RASGRP3: variants seen among roughly 807,000 people sequenced by gnomAD.
The protein encoded by RASGRP3 is ras guanyl-releasing protein 3.
Under a neutral mutation model 82.7 loss-of-function variants are expected in RASGRP3, and 54 were observed. The ratio of observed to expected loss-of-function variants is 0.65; its 90% CI spans 0.52 to 0.82. RASGRP3 has a LOEUF of 0.82. RASGRP3 is among the 40% of genes least tolerant of loss of function. The pLI is 0.00. For missense variants in RASGRP3, 861 were observed against 828.9 expected (o/e 1.04, Z -0.48); for synonymous variants, 309 against 300.5 (o/e 1.03, Z -0.29).
chr2:33,520,036 A>G lies in RASGRP3; in HGVS notation c.236+22A>G, dbSNP rs1253958312. 1.9e-6 allele frequency: 3 copies of G among 1,550,474 alleles called. No individual in the cohort carries two copies. In the East Asian group the frequency reaches 7.0e-5, roughly 36 times the overall value. ...TGAGGTAAATATATTTACAAATTTAATTTCTTGTAGTTTCTGGTTCTGGAA... is the reference window on the plus strand; with the variant it reads ...TGAGGTAAATATATTTACAAATTTAGTTTCTTGTAGTTTCTGGTTCTGGAA... On this transcript the variant is annotated intron_variant, in intron 5 of 17. Transcript: ENST00000403687.
intron 2 of RASGRP3, among the ~76,000 whole-genome samples, chr2:33,466,848 A>G (rs982662202): frequency 1.3e-5 from 2 of 152,242 alleles, no homozygotes; most frequent in East Asian, 1.9e-4. Context: ...GAAAACTTCT[A>G]TGGCTGCTAA....
intron 10 of RASGRP3, chr2:33,532,377 A>T (rs966444837): frequency 6.6e-6 from 1 of 152,224 alleles, no homozygotes; most frequent in Non-Finnish European, 1.5e-5. Flanking sequence ...TCCCTAACAG[A>T]GAGTGGTGTC....
intron 2 of RASGRP3, among the ~76,000 whole-genome samples, chr2:33,458,734 A>G (rs1284394198): frequency 6.6e-6 from 1 of 152,232 alleles, no homozygotes; most frequent in Non-Finnish European, 1.5e-5. Context: ...CACCAGCACC[A>G]TTGCATGCTG....
At chr2:33,525,577 C>T (rs780750690) in intron 9 of RASGRP3, among the ~76,000 whole-genome samples, 34 of 151,534 alleles carry the variant, frequency 2.2e-4, no homozygotes, top group Non-Finnish European at 2.4e-4. Flanking sequence ...GCAAATGTAT[C>T]GTCCATCAGG....
intron 1 of RASGRP3, among the ~76,000 whole-genome samples, chr2:33,477,482 T>C (rs1432310279): frequency 6.6e-6 from 1 of 152,206 alleles, no homozygotes; most frequent in Non-Finnish European, 1.5e-5. Flanking sequence ...CTCAGGCTGT[T>C]TTTTCCTTGT....
At chr2:33,461,694 C>G (rs1216904439) in intron 2 of RASGRP3, among the ~76,000 whole-genome samples, 1 of 152,202 alleles carries the variant, frequency 6.6e-6, no homozygotes, top group African/African-American at 2.4e-5. Flanking sequence ...CAGATTCTTA[C>G]TCTGCTATGG....
Position 33,467,700 on chromosome 2 carries a change from G to T in RASGRP3, c.-261+19757G>T, listed in dbSNP as rs114749379. Reference sequence around the variant, plus strand: ...AGGGCAAATGGACCCACAGCTTCAGGAGGGAGCTGCTAGCAGGGGAAGTTG... The same window carrying T: ...AGGGCAAATGGACCCACAGCTTCAGTAGGGAGCTGCTAGCAGGGGAAGTTG... On this transcript the variant is annotated intron_variant, in intron 2 of 18. Transcript: ENST00000402538. Among the ~76,000 whole-genome samples, 1,326 of 152,288 alleles carry T rather than the reference G, an allele frequency of 8.7e-3. 20 individuals are homozygous for T. The highest frequency in any genetic ancestry group is 0.03 in the African/African-American group (1,264 of 41,552).
chr2:33,545,336 G>A (rs4670681), intron 13 of RASGRP3, among the ~76,000 whole-genome samples: 21,684 of 152,212 alleles, frequency 0.14, 2,017 homozygotes, highest in Non-Finnish European at 0.18. Context: ...TTTTCCAAAC[G>A]ATGTTCCACA....
intron 1 of RASGRP3, among the ~76,000 whole-genome samples, chr2:33,494,772 A>T (rs144239207): frequency 0.01 from 1,532 of 152,330 alleles, 15 homozygotes; most frequent in Non-Finnish European, 0.017. Flanking sequence ...GAAATCATTA[A>T]TGACTATTTT....
chr2:33,506,284 G>T (rs1054265399), intron 1 of RASGRP3, among the ~76,000 whole-genome samples: 29 of 152,294 alleles, frequency 1.9e-4, no homozygotes, highest in African/African-American at 6.5e-4. Flanking sequence ...CTAATGGGCA[G>T]GCCTTAACAA....
intron 1 of RASGRP3, among the ~76,000 whole-genome samples, chr2:33,504,591 A>G (rs529659951): frequency 1.1e-3 from 169 of 152,328 alleles, no homozygotes; most frequent in Middle Eastern, 0.01. Flanking sequence ...CTGTGGAGCA[A>G]CTTAAAATTC....
At chr2:33,500,402 A>G (rs1171465732) in intron 1 of RASGRP3, among the ~76,000 whole-genome samples, 3 of 152,146 alleles carry the variant, frequency 2.0e-5, no homozygotes, top group Non-Finnish European at 4.4e-5. Context: ...GAAGTGAGCC[A>G]TTGCGGTGGG....
In RASGRP3 at chr2:33,515,299, G is replaced by A. The variant is rs1483424204; in HGVS notation, c.70+93G>A. 3.0e-6 allele frequency: 4 copies of A among 1,340,674 alleles called. No homozygotes were observed. The African/African-American group carries it at 4.3e-5, about 15-fold the overall frequency. 83.0% of individuals were successfully genotyped at this position (1,340,674 alleles called of 1,614,324 possible). On this transcript the variant is annotated intron_variant, in intron 3 of 17. Transcript: ENST00000403687. The stretch of plus-strand genomic sequence containing the variant: ...CAAGTTGCTTGTAGAACAGAGTTCA[G>A]TCTCTGTACCTTGGTATTTAAGGCC...
intron 1 of RASGRP3, among the ~76,000 whole-genome samples, chr2:33,504,331 C>T (rs1215815147): frequency 1.3e-5 from 2 of 152,072 alleles, no homozygotes; most frequent in Non-Finnish European, 2.9e-5. Context: ...GGGCATCTGT[C>T]TCTGTCACCA....
intron 9 of RASGRP3, among the ~76,000 whole-genome samples, chr2:33,525,267 G>A (rs1375790128): frequency 6.6e-6 from 1 of 151,800 alleles, no homozygotes; most frequent in East Asian, 1.9e-4. Context: ...ACTGTGTTGG[G>A]CACATCAGAA....
intron 1 of RASGRP3, 106 bp downstream of exon 1, chr2:33,476,813 CTTTTGA>C (rs1048695681): frequency 7.4e-6 from 1 of 134,682 alleles, no homozygotes; most frequent in African/African-American, 3.2e-5. Flanking sequence ...CCACCAACAA[CTTTTGA>C]TTTTGATTTT....
chr2:33,495,315 C>G (rs1174310038), intron 1 of RASGRP3, among the ~76,000 whole-genome samples: 1 of 152,180 alleles, frequency 6.6e-6, no homozygotes, highest in Non-Finnish European at 1.5e-5. Flanking sequence ...CACCTCAGAT[C>G]ATCAGGCAGT....
intron 12 of RASGRP3, among the ~76,000 whole-genome samples, chr2:33,543,172 C>T (rs1674427989): frequency 6.6e-6 from 1 of 151,996 alleles, no homozygotes; most frequent in Non-Finnish European, 1.5e-5. Flanking sequence ...ACCACCGTGC[C>T]CAGCTAATTA....
intron 2 of RASGRP3, among the ~76,000 whole-genome samples, chr2:33,464,732 C>A (rs1206675133): frequency 6.6e-6 from 1 of 152,124 alleles, no homozygotes; most frequent in African/African-American, 2.4e-5. Context: ...CTACCTAGGC[C>A]TCTGCAAGTA....
Sources: allele counts gnomAD v4.1 joint callset (sites outside exome capture counted in the v4.1 genomes callset), GRCh38; gene constraint gnomAD v4.1.1; transcripts MANE v1.5; gene names NCBI Gene and HGNC (gene_info 2026-07-23, HGNC 2026-07-21).